Variants in TNNI3K observed in about 807,000 individuals in gnomAD.
TNNI3K encodes the protein serine/threonine-protein kinase TNNI3K.
TNNI3K carries 140 observed loss-of-function variants against 114.5 expected under a neutral mutation model. The ratio of observed to expected loss-of-function variants is 1.22; its 90% confidence interval spans 1.07 to 1.41. TNNI3K has a LOEUF of 1.41. Among genes scored for constraint, TNNI3K ranks in the 40% most tolerant of loss-of-function variants. TNNI3K has a pLI of 0.00. For synonymous variants in TNNI3K, 347 were observed against 347.5 expected, an observed-to-expected ratio of 1.00 and a Z score of 0.02; for missense variants, 1,125 against 1,007.6, an observed-to-expected ratio of 1.12 and a Z score of -1.58.
chr1:74,476,220 T>C (rs958111036), intron 21 of TNNI3K, among the ~76,000 whole-genome samples: 9 of 152,168 alleles, frequency 5.9e-5, no homozygotes, highest in Admixed American at 2.6e-4. Flanking sequence ...ATGTTCTATG[T>C]AGTTTGTCCT....
intron 5 of TNNI3K, among the ~76,000 whole-genome samples, chr1:74,311,438 T>A (rs1658989915): frequency 6.6e-6 from 1 of 152,196 alleles, no homozygotes; most frequent in South Asian, 2.1e-4. Flanking sequence ...ATAAGTCCCC[T>A]TGGTTCTAAT....
intron 11 of TNNI3K, among the ~76,000 whole-genome samples, chr1:74,364,169 T>A (rs374957902): frequency 6.6e-6 from 1 of 150,646 alleles, no homozygotes; most frequent in African/African-American, 2.4e-5. Context: ...CCCACTAATT[T>A]AAAAAAAAAT....
At chr1:74,470,268 A>G (rs1253851288) in intron 21 of TNNI3K, 1 of 400,472 alleles carries the variant, frequency 2.5e-6, no homozygotes, top group Non-Finnish European at 4.4e-6. Context: ...CACTTGTTCC[A>G]TTTTCCCAAG....
intron 20 of TNNI3K, among the ~76,000 whole-genome samples, chr1:74,453,266 A>G (rs1324461689): frequency 6.6e-6 from 1 of 152,190 alleles, no homozygotes; most frequent in Non-Finnish European, 1.5e-5. Flanking sequence ...AGATATTAAA[A>G]TGTATAGTAC....
At chr1:74,244,420 A>C (rs958314351) in intron 2 of TNNI3K, among the ~76,000 whole-genome samples, 3 of 152,132 alleles carry the variant, frequency 2.0e-5, no homozygotes, top group Admixed American at 2.0e-4. Context: ...CAGTTAGCTG[A>C]GGAACAATTG....
intron 20 of TNNI3K, among the ~76,000 whole-genome samples, chr1:74,459,541 A>C (rs1372031912): frequency 6.6e-6 from 1 of 152,190 alleles, no homozygotes; most frequent in African/African-American, 2.4e-5. Flanking sequence ...ACTGAACCAT[A>C]AAATGCAGTG....
intron 21 of TNNI3K, chr1:74,480,542 A>G (rs1404484735): frequency 1.4e-6 from 1 of 717,416 alleles, no homozygotes; most frequent in Non-Finnish European, 2.6e-6. Context: ...ATCTTTCCCA[A>G]TGTAGGAAAT....
intron 21 of TNNI3K, among the ~76,000 whole-genome samples, chr1:74,467,274 G>A (rs2100729145): frequency 6.6e-6 from 1 of 152,242 alleles, no homozygotes; most frequent in East Asian, 1.9e-4. Context: ...TTCATCTTTA[G>A]ATGGAGGACA....
chr1:74,351,726 A>G (rs956446935), intron 9 of TNNI3K, among the ~76,000 whole-genome samples: 2 of 152,084 alleles, frequency 1.3e-5, no homozygotes, highest in Admixed American at 6.6e-5. Context: ...TTTGTCTTCC[A>G]TCACTGATAC....
intron 23 of TNNI3K, among the ~76,000 whole-genome samples, chr1:74,533,007 A>G (rs1646610442): frequency 6.6e-6 from 1 of 152,232 alleles, no homozygotes; most frequent in Admixed American, 6.5e-5. Flanking sequence ...AGGCATGGGC[A>G]AGGACTTCAT....
chr1:74,512,899 T>C, intron 23 of TNNI3K, among the ~76,000 whole-genome samples: 1 of 152,226 alleles, frequency 6.6e-6, no homozygotes, highest in Admixed American at 6.5e-5. Context: ...ATGGGGTCAC[T>C]ATGTGATCAC....
chr1:74,513,816 G>A (rs569620722), intron 23 of TNNI3K, among the ~76,000 whole-genome samples: 1 of 152,226 alleles, frequency 6.6e-6, no homozygotes, highest in South Asian at 2.1e-4. Context: ...TCCTGTCAAA[G>A]TTTCACAAAA....
chr1:74,388,332 T>C (rs540423582), intron 17 of TNNI3K, among the ~76,000 whole-genome samples: 1 of 152,274 alleles, frequency 6.6e-6, no homozygotes, highest in Admixed American at 6.5e-5. Flanking sequence ...CCAACAAATA[T>C]TCTTCCTCTT....
chr1:74,247,266 C>A (rs1220535644), intron 2 of TNNI3K, among the ~76,000 whole-genome samples: 1 of 152,028 alleles, frequency 6.6e-6, no homozygotes, highest in Non-Finnish European at 1.5e-5. Flanking sequence ...ACAGCTCTTA[C>A]CGCGGCGCAT....
At chr1:74,293,344 T>C (rs1657793585) in intron 5 of TNNI3K, among the ~76,000 whole-genome samples, 1 of 151,722 alleles carries the variant, frequency 6.6e-6, no homozygotes, top group Non-Finnish European at 1.5e-5. Context: ...AGTACCACTG[T>C]GTTTTCCTTG....
rs1297094831 is a variant in TNNI3K, at chr1:74,309,236, C to T, written c.445-22214C>T. On this transcript the variant is annotated intron_variant, in intron 5 of 24. Coordinates refer to ENST00000326637, the MANE Select transcript of TNNI3K (RefSeq NM_015978.3). ...ACAAAAAATTAGCCGGGCGAGGTGGCGGGCGCCTGTAGTCCCAGCTACTCG... is the reference window on the plus strand; with the variant it reads ...ACAAAAAATTAGCCGGGCGAGGTGGTGGGCGCCTGTAGTCCCAGCTACTCG... Among the ~76,000 whole-genome samples, 166 of 148,920 alleles carry T rather than the reference C, an allele frequency of 1.1e-3. 2 individuals are homozygous for T. The highest frequency in any genetic ancestry group is 1.8e-4 in the Non-Finnish European group (12 of 67,220).
chr1:74,355,321 A>C (rs914813251), intron 11 of TNNI3K, among the ~76,000 whole-genome samples: 1 of 152,142 alleles, frequency 6.6e-6, no homozygotes, highest in Non-Finnish European at 1.5e-5. Context: ...AAAGTGGGAT[A>C]TGGGCCAGGC....
At chr1:74,394,852 G>A (rs548537512) in intron 17 of TNNI3K, among the ~76,000 whole-genome samples, 74 of 152,188 alleles carry the variant, frequency 4.9e-4, no homozygotes, top group Admixed American at 1.1e-3. Flanking sequence ...AGACCATCCT[G>A]GCTAACATGG....
At chr1:74,347,986 A>G (rs1260539195) in intron 9 of TNNI3K, among the ~76,000 whole-genome samples, 2 of 152,080 alleles carry the variant, frequency 1.3e-5, no homozygotes, top group African/African-American at 2.4e-5. Context: ...TGCTGTGCAG[A>G]AGTTCTTTAG....
Sources: gnomAD v4.1 joint callset for allele counts (sites outside exome capture counted in the v4.1 genomes callset) on GRCh38, gnomAD v4.1.1 for gene constraint, MANE v1.5 for transcripts, NCBI Gene and HGNC (gene_info 2026-07-23, HGNC 2026-07-21) for gene names.